DCLK1: variants seen among roughly 807,000 people sequenced by gnomAD.
The protein encoded by DCLK1 is doublecortin like kinase 1.
A neutral mutation model predicts 86.2 loss-of-function variants in DCLK1; 16 were observed. The ratio of observed to expected loss-of-function variants is 0.19; its 90% CI spans 0.13 to 0.28. The LOEUF (loss-of-function observed/expected upper bound fraction) is 0.28, where lower values mean the gene tolerates loss of function less well. Ranked by LOEUF, DCLK1 falls within the 10% of genes least tolerant of loss-of-function variation. DCLK1 has a pLI of 1.00. For synonymous variants in DCLK1, 369 were observed against 370.5 expected, an observed-to-expected ratio of 1.00 and a Z score of 0.05; for missense variants, 590 against 940.2, an observed-to-expected ratio of 0.63 and a Z score of 4.87.
chr13:35,938,494 T>C (rs1262613974), intron 4 of DCLK1, among the ~76,000 whole-genome samples: 1 of 151,980 alleles, frequency 6.6e-6, no homozygotes. Context: ...CCAGGCATGA[T>C]GGCACGTGCC....
At chr13:35,785,164 G>A (rs986463116) in intron 16 of DCLK1, among the ~76,000 whole-genome samples, 6 of 152,008 alleles carry the variant, frequency 3.9e-5, no homozygotes, top group African/African-American at 1.4e-4. Context: ...TTATTTAATC[G>A]GGTTACCCAG....
chr13:35,958,533 T>C (rs1436309771), intron 3 of DCLK1, among the ~76,000 whole-genome samples: 1 of 150,532 alleles, frequency 6.6e-6, no homozygotes, highest in Non-Finnish European at 1.5e-5. Flanking sequence ...GCAGTATAAC[T>C]ACCAATACCA....
intron 3 of DCLK1, among the ~76,000 whole-genome samples, chr13:35,993,357 T>C (rs1429972398): frequency 1.3e-5 from 2 of 152,212 alleles, no homozygotes; most frequent in African/African-American, 2.4e-5. Context: ...GTCTCTTTCA[T>C]GCCTCAGTTC....
intron 4 of DCLK1, among the ~76,000 whole-genome samples, chr13:35,933,484 G>C (rs897972971): frequency 2.0e-5 from 3 of 152,212 alleles, no homozygotes; most frequent in African/African-American, 7.2e-5. Flanking sequence ...TTGTGCCTGG[G>C]CATCCAGGCA....
chr13:36,124,458 A>G (rs1345132914), intron 2 of DCLK1, among the ~76,000 whole-genome samples: 9 of 152,238 alleles, frequency 5.9e-5, no homozygotes, highest in African/African-American at 1.9e-4. Flanking sequence ...TCTCAAGGCC[A>G]GTCACACTGT....
intron 11 of DCLK1, among the ~76,000 whole-genome samples, chr13:35,822,101 T>TA (rs1459111048): frequency 6.6e-6 from 1 of 151,338 alleles, no homozygotes; most frequent in East Asian, 1.9e-4. Flanking sequence ...AAGGGCTTCC[T>TA]TTTTTTTTCC....
At chr13:35,794,494 T>A (rs1023083147) in intron 15 of DCLK1, among the ~76,000 whole-genome samples, 1 of 152,236 alleles carries the variant, frequency 6.6e-6, no homozygotes, top group African/African-American at 2.4e-5. Context: ...TCAAGCATAA[T>A]GTGCTGGCTC....
intron 4 of DCLK1, among the ~76,000 whole-genome samples, chr13:35,915,901 A>C (rs2153125796): frequency 6.6e-6 from 1 of 152,314 alleles, no homozygotes; most frequent in South Asian, 2.1e-4. Flanking sequence ...TTTCTTTCAA[A>C]GCTCATTCAA....
At chr13:35,795,818 C>G (rs1395771430) in intron 15 of DCLK1, among the ~76,000 whole-genome samples, 2 of 150,492 alleles carry the variant, frequency 1.3e-5, no homozygotes, top group Admixed American at 1.3e-4. Flanking sequence ...TCCAGCTACT[C>G]AGGAGGCTGA....
At chr13:36,117,912 C>G (rs941873941) in intron 2 of DCLK1, among the ~76,000 whole-genome samples, 4 of 152,076 alleles carry the variant, frequency 2.6e-5, no homozygotes, top group Admixed American at 6.6e-5. Context: ...TTCCCACTTC[C>G]CACTGGGCTA....
chr13:35,851,813 TA>T (rs1296343349), intron 6 of DCLK1, among the ~76,000 whole-genome samples: 3 of 152,190 alleles, frequency 2.0e-5, no homozygotes, highest in Non-Finnish European at 2.9e-5. Context: ...AGAGGTAACA[TA>T]AAAATGTGAT....
chr13:35,867,914 A>AAAGAAAGG (rs1415050462), intron 5 of DCLK1, among the ~76,000 whole-genome samples: 3 of 108,446 alleles, frequency 2.8e-5, no homozygotes, highest in African/African-American at 1.1e-4. Flanking sequence ...AAAGAAAAAG[A>AAAGAAAGG]AAGAAAGAAA....
At chr13:36,013,895 G>A (rs974456742) in intron 3 of DCLK1, among the ~76,000 whole-genome samples, 3 of 152,224 alleles carry the variant, frequency 2.0e-5, no homozygotes, top group Non-Finnish European at 4.4e-5. Context: ...GTGGGCTTAG[G>A]ACCCTCCGAG....
intron 3 of DCLK1, among the ~76,000 whole-genome samples, chr13:36,110,400 G>A (rs1008220822): frequency 6.6e-6 from 1 of 152,022 alleles, no homozygotes; most frequent in African/African-American, 2.4e-5. Flanking sequence ...TATTACTTAG[G>A]GCAAGGGTTA....
chr13:35,867,964 A>AGAAAG (rs1555345771), intron 5 of DCLK1, among the ~76,000 whole-genome samples: 2 of 104,994 alleles, frequency 1.9e-5, no homozygotes, highest in South Asian at 3.0e-4. Context: ...AAAGAAAGAA[A>AGAAAG]GAGAAAAAGA....
intron 3 of DCLK1, among the ~76,000 whole-genome samples, chr13:36,109,031 G>A (rs971656102): frequency 6.6e-6 from 1 of 152,176 alleles, no homozygotes. Flanking sequence ...AACTGCTTAT[G>A]GGACAGATTT....
Position 35,820,503 on chromosome 13 carries a change from A to G in DCLK1, c.1554+2226T>C, listed in dbSNP as rs1358524262. Among the ~76,000 whole-genome samples the G allele has an allele frequency of 2.6e-5, 4 of 152,340 alleles. 1 individual carries two copies. Among genetic ancestry groups the G allele is most frequent in the East Asian group, 3.9e-4 (2 of 5,194 alleles). On this transcript the variant is annotated intron_variant, in intron 11 of 16. Transcript: ENST00000360631. ...GTAATTTTAGTAAAAGTGCACTCCA[A>G]TGTAATCACTTATGGCATTTACAGA...
In DCLK1 at chr13:36,069,886, A is replaced by T. The variant is rs550678042; in HGVS notation, c.723+41983T>A. 1.9e-4 allele frequency among the ~76,000 whole-genome samples: 29 copies of T among 152,310 alleles called. No homozygotes were observed. The East Asian group carries it at 4.8e-3, about 25-fold the overall frequency. On this transcript the variant is annotated intron_variant, in intron 3 of 16. Coordinates refer to ENST00000360631, the MANE Select transcript of DCLK1 (RefSeq NM_001330071.2). The stretch of plus-strand genomic sequence containing the variant: ...TATACCTTAAAATTAACACTAGAGC[A>T]ACAGCATCCATCAGCGATAGGATTG...
chr13:36,029,274 G>A (rs895877342), intron 3 of DCLK1, among the ~76,000 whole-genome samples: 10 of 152,038 alleles, frequency 6.6e-5, no homozygotes, highest in East Asian at 1.9e-4. Flanking sequence ...ACACTCTCAC[G>A]GCACCATATA....
Sources: gnomAD v4.1 joint callset for allele counts (sites outside exome capture counted in the v4.1 genomes callset) on GRCh38, gnomAD v4.1.1 for gene constraint, MANE v1.5 for transcripts, NCBI Gene and HGNC (gene_info 2026-07-23, HGNC 2026-07-21) for gene names.